The following ZSCAN25 variants were observed in gnomAD, a reference collection of about 807,000 sequenced individuals.
ZSCAN25 encodes the protein zinc finger and SCAN domain-containing protein 25.
In ZSCAN25, 27 loss-of-function variants were observed where a neutral mutation model predicts 38.7. That is an observed-to-expected ratio of 0.70 (90% CI 0.51 to 0.96). ZSCAN25 has a LOEUF of 0.96. Ranked by LOEUF, ZSCAN25 falls within the 40% of genes least tolerant of loss-of-function variation. The probability of loss-of-function intolerance (pLI) is 0.00; values close to 1 mark genes in which losing one functional copy is unlikely to be tolerated. For missense variants in ZSCAN25, 637 were observed against 705.9 expected, an observed-to-expected ratio of 0.90 and a Z score of 1.11; for synonymous variants, 273 against 277.7, an observed-to-expected ratio of 0.98 and a Z score of 0.17.
the ZSCAN25 span, chr7:99,652,677 A>G: frequency 6.2e-6 from 10 of 1,614,112 alleles, no homozygotes; most frequent in Non-Finnish European, 8.5e-6. Flanking sequence ...TCTTTCTTGC[A>G]AGTCCTCTCA....
At chr7:99,653,450 C>T in the ZSCAN25 span, among the ~76,000 whole-genome samples, 2 of 145,494 alleles carry the variant, frequency 1.4e-5, no homozygotes, top group South Asian at 2.3e-4. This position sits in a 1 kb window ranked among gnomAD's most constrained non-coding sequence, Gnocchi z 4.2. Flanking sequence ...GACCCTGTCT[C>T]AAATAAATAA....
chr7:99,712,188 G>A, the ZSCAN25 span, among the ~76,000 whole-genome samples: 1 of 152,110 alleles, frequency 6.6e-6, no homozygotes, highest in African/African-American at 2.4e-5. Flanking sequence ...TAAATATAGT[G>A]CCTGTTCCAA....
chr7:99,627,827 A>G (rs1295331546), intron 7 of ZSCAN25, among the ~76,000 whole-genome samples: 1 of 151,970 alleles, frequency 6.6e-6, no homozygotes, highest in African/African-American at 2.4e-5. Context: ...TATGCTGTAT[A>G]TGTATATACT....
chr7:99,622,552 T>C lies in ZSCAN25; in HGVS notation c.593T>C (p.Leu198Pro). The C allele has an allele frequency of 6.2e-7, 1 of 1,614,172 alleles. No homozygotes were observed. ...DETRAFQEQALPVLQAGPGLP... is the reference protein window; with the variant it reads ...DETRAFQEQAPPVLQAGPGLP... ...CATGCTTTTTGTCCCTGCTCAGCACTACCTGTTCTGCAGGCGGGTCCTGGC... is the reference window on the plus strand; with the variant it reads ...CATGCTTTTTGTCCCTGCTCAGCACCACCTGTTCTGCAGGCGGGTCCTGGC... The change falls in exon 6 of 8, where the codon CTA becomes CCA. Residue 198 changes from leucine to proline, a missense_variant. Physicochemically the swap from Leu to Pro is moderately conservative, Grantham distance 98. Coordinates refer to ENST00000394152, the MANE Select transcript of ZSCAN25 (RefSeq NM_145115.3).
chr7:99,645,429 T>C, the ZSCAN25 span, among the ~76,000 whole-genome samples: 1 of 152,236 alleles, frequency 6.6e-6, no homozygotes, highest in African/African-American at 2.4e-5. Context: ...AACATATGTG[T>C]GCATGTGTCT....
At chr7:99,681,959 GTTTTTTGT>G in the ZSCAN25 span, among the ~76,000 whole-genome samples, 36 of 152,024 alleles carry the variant, frequency 2.4e-4, no homozygotes, top group African/African-American at 8.7e-4. Context: ...TTTCAGTTTT[GTTTTTTGT>G]TTTTTTGTTT....
Position 99,632,046 on chromosome 7 carries a change from A to G in ZSCAN25, c.*2026A>G. On this transcript the variant is annotated 3_prime_UTR_variant, in exon 8 of 8. Transcript: ENST00000394152. ...AGGCCTCGGGGGGCTGCTTGTCATT[A>G]CCTGAATCACAGATGCTCTTTTGTC... The G allele has an allele frequency of 1.0e-6, 1 of 985,440 alleles. No individual in the cohort carries two copies. Among genetic ancestry groups the G allele is most frequent in the African/African-American group, 1.7e-5 (1 of 57,338 alleles). The allele number at this position is 985,440 out of a possible 1,614,324, so 61.0% of individuals were successfully genotyped here. A position where few individuals can be genotyped will look rare whatever the true frequency, so the allele number is the denominator to read the frequency against.
the ZSCAN25 span, chr7:99,663,453 C>T: frequency 6.2e-5 from 61 of 989,748 alleles, no homozygotes; most frequent in Non-Finnish European, 7.3e-5. Flanking sequence ...AGTTAGCCAG[C>T]CTTGCAACCT....
At position 99,619,591 on chromosome 7, in the gene ZSCAN25, C is replaced by A. The variant is rs992812548; in HGVS notation, c.-16C>A. 6.2e-7 allele frequency: 1 copy of A among 1,602,574 alleles called. No homozygotes were observed. Among genetic ancestry groups the A allele is most frequent in the Non-Finnish European group, 8.5e-7 (1 of 1,173,264 alleles). ...TTGATGCAGTCATTCTCAGTCTCCT[C>A]GGAGGGAGTCTGAAGATGCTTAAAG... On this transcript the variant is annotated 5_prime_UTR_variant, in exon 4 of 8. An upstream open reading frame in the 5' UTR gains an earlier in-frame stop. Transcript: ENST00000394152.
the ZSCAN25 span, chr7:99,671,548 G>T: frequency 2.8e-6 from 1 of 355,866 alleles, no homozygotes; most frequent in Non-Finnish European, 5.1e-6. Context: ...CACAGAAAAT[G>T]AACCTTGATC....
chr7:99,734,198 G>A, the ZSCAN25 span, among the ~76,000 whole-genome samples: 7 of 152,254 alleles, frequency 4.6e-5, no homozygotes, highest in Non-Finnish European at 8.8e-5. Flanking sequence ...GAATTAAAAC[G>A]AGGTTTGTAT....
At chr7:99,634,126 G>A (rs965640640), downstream of ZSCAN25, among the ~76,000 whole-genome samples, 14 of 152,342 alleles carry the variant, frequency 9.2e-5, no homozygotes, top group African/African-American at 3.4e-4. Flanking sequence ...GTGCTGCTGG[G>A]TAATGAGGGA....
the ZSCAN25 span, among the ~76,000 whole-genome samples, chr7:99,651,828 A>C: frequency 2.6e-4 from 40 of 152,150 alleles, no homozygotes; most frequent in Non-Finnish European, 5.3e-4. Flanking sequence ...TCCAAGGAGG[A>C]GTGTGTGAGA....
the ZSCAN25 span, chr7:99,717,507 A>C: frequency 6.2e-7 from 1 of 1,613,274 alleles, no homozygotes; most frequent in East Asian, 2.2e-5. Flanking sequence ...TCTAATTAAA[A>C]CCCAAGTTAT....
chr7:99,706,919 G>A, the ZSCAN25 span, among the ~76,000 whole-genome samples: 1 of 152,158 alleles, frequency 6.6e-6, no homozygotes, highest in Admixed American at 6.5e-5. Flanking sequence ...TTAATGGAGG[G>A]GGGAAGACAT....
chr7:99,670,383 A>T, the ZSCAN25 span, among the ~76,000 whole-genome samples: 1 of 152,226 alleles, frequency 6.6e-6, no homozygotes, highest in African/African-American at 2.4e-5. Flanking sequence ...AATTAAGGCA[A>T]ACAATTTTAT....
chr7:99,732,522 G>A, the ZSCAN25 span, among the ~76,000 whole-genome samples: 1 of 152,008 alleles, frequency 6.6e-6, no homozygotes, highest in Non-Finnish European at 1.5e-5. Context: ...AACCCATCAA[G>A]GCTGCTGCTC....
Position 99,629,591 on chromosome 7 carries a change from C to A in ZSCAN25, c.1206C>A (p.Pro402=). The A allele has an allele frequency of 6.2e-7, 1 of 1,614,162 alleles. No homozygotes were observed. The highest frequency in any genetic ancestry group is 8.5e-7 in the Non-Finnish European group (1 of 1,180,030). ...AGAGAACCCACCTGGGAAAGAGGCCCTACGTGTGCAGCGAGTGCTGGAAAA... is the reference window on the plus strand; with the variant it reads ...AGAGAACCCACCTGGGAAAGAGGCCATACGTGTGCAGCGAGTGCTGGAAAA... ...KHQRTHLGKR[P]YVCSECWKTF... Residue 402 remains proline, a synonymous_variant, in exon 8 of 8, where the codon CCC becomes CCA. Transcript: ENST00000394152. The surrounding 1 kb of genome is among the most constrained non-coding windows in gnomAD (Gnocchi z 5.6).
the ZSCAN25 span, among the ~76,000 whole-genome samples, chr7:99,655,015 C>G: frequency 1.3e-5 from 2 of 152,132 alleles, no homozygotes; most frequent in Non-Finnish European, 2.9e-5. Context: ...AAATTTTCTC[C>G]CATTCTGTCG....
Sources: gnomAD v4.1 joint callset for allele counts (sites outside exome capture counted in the v4.1 genomes callset) on GRCh38, gnomAD v4.1.1 for gene constraint, Gnocchi (gnomAD v3.1) non-coding constraint, MANE v1.5 for transcripts, NCBI Gene and HGNC (gene_info 2026-07-23, HGNC 2026-07-21) for gene names.